KIF5B: variants seen among roughly 807,000 people sequenced by gnomAD.
KIF5B encodes kinesin family member 5B.
KIF5B carries 49 observed loss-of-function variants against 132.8 expected under a neutral mutation model. That is an observed-to-expected ratio of 0.37 (90% confidence interval 0.29 to 0.47). The LOEUF (loss-of-function observed/expected upper bound fraction) is 0.47, where lower values mean the gene tolerates loss of function less well. KIF5B is among the 20% of genes least tolerant of loss of function. The probability of loss-of-function intolerance (pLI) is 1.00; values close to 1 mark genes in which losing one functional copy is unlikely to be tolerated. For missense variants in KIF5B, 780 were observed against 1,144.0 expected (o/e 0.68, Z 4.59); for synonymous variants, 355 against 369.4 (o/e 0.96, Z 0.45).
rs561153562 is a variant in KIF5B, at chr10:32,010,208, C to G, written c.*1329G>C. ...CTAACACAGTTGCAGTCACCGCCCC[C>G]CTACCACTGATGAAGCAAATAGTGA... On this transcript the variant is annotated 3_prime_UTR_variant, in exon 26 of 26. Coordinates refer to ENST00000302418, the MANE Select transcript of KIF5B (RefSeq NM_004521.3). The G allele has an allele frequency of 3.9e-5, 6 of 152,118 alleles. No homozygotes were observed. The highest frequency in any genetic ancestry group is 7.4e-5 in the Non-Finnish European group (5 of 67,990). The allele number at this position is 152,118 out of a possible 1,614,324, so 9.4% of individuals were successfully genotyped here.
chr10:32,034,730 A>C lies in KIF5B; in HGVS notation c.1071T>G (p.Thr357=). ...EKEKNKILRN[T]IQWLENELNR... is the part of the protein sequence containing the mutation. ...TGAGCTCATTTTCAAGCCACTGAAT[A>C]GTGTTCCGCAGGATCTTATTTTTTT... The change falls in exon 11 of 26, where the codon ACT becomes ACG. Residue 357 remains threonine, a synonymous_variant. Coordinates refer to ENST00000302418, the MANE Select transcript of KIF5B (RefSeq NM_004521.3). 2 of 1,606,710 alleles carry C rather than the reference A, an allele frequency of 1.2e-6. No homozygotes were observed. Among genetic ancestry groups the C allele is most frequent in the South Asian group, 2.2e-5 (2 of 89,692 alleles).
rs552009962 is a variant in KIF5B at position 32,042,642 on chromosome 10, T to C, written c.215-2185A>G. Among the ~76,000 whole-genome samples, 102 of 152,352 alleles carry C rather than the reference T, an allele frequency of 6.7e-4. 2 individuals are homozygous for C. The South Asian group carries it at 0.017, about 25-fold the overall frequency. ...TGAATATTTATTACCATCATCAATG[T>C]ACAGCATCTTTCTAAAGCCTCCCTC... On this transcript the variant is annotated intron_variant, in intron 2 of 25. Coordinates refer to ENST00000302418, the MANE Select transcript of KIF5B (RefSeq NM_004521.3).
intron 15 of KIF5B, among the ~76,000 whole-genome samples, chr10:32,027,457 A>G (rs1841347996): frequency 6.8e-6 from 1 of 147,240 alleles, no homozygotes; most frequent in African/African-American, 2.5e-5. Context: ...TGAAAACTCT[A>G]GAGTTCATTG....
At chr10:32,034,144 T>C in intron 11 of KIF5B, 106 bp from the exon 12 acceptor site, 1 of 650,606 alleles carries the variant, frequency 1.5e-6, no homozygotes, top group South Asian at 2.3e-5. Context: ...AGAGTCTCAA[T>C]CTGTCACCCT....
At chr10:32,040,770 G>A (rs183540247) in intron 2 of KIF5B, among the ~76,000 whole-genome samples, 2 of 151,994 alleles carry the variant, frequency 1.3e-5, no homozygotes, top group African/African-American at 4.8e-5. Flanking sequence ...AAGGCAGGCG[G>A]ATCACAAGGT....
chr10:32,012,877 G>A (rs1841102685), intron 25 of KIF5B, among the ~76,000 whole-genome samples: 1 of 151,970 alleles, frequency 6.6e-6, no homozygotes, highest in Non-Finnish European at 1.5e-5. Flanking sequence ...ACTGTGTGCT[G>A]GGTAACATCT....
At chr10:32,030,041 C>CAT (rs1327838039) in intron 14 of KIF5B, among the ~76,000 whole-genome samples, 2 of 152,192 alleles carry the variant, frequency 1.3e-5, no homozygotes, top group African/African-American at 4.8e-5. Context: ...AAGTGGTGGA[C>CAT]ATGGGTCCTG....
intron 19 of KIF5B, among the ~76,000 whole-genome samples, chr10:32,020,373 T>C (rs1447273107): frequency 6.6e-6 from 1 of 151,414 alleles, no homozygotes; most frequent in Non-Finnish European, 1.5e-5. Flanking sequence ...TAAACTAAGA[T>C]GACAACTTAA....
In KIF5B at chr10:32,031,089, T is replaced by A; in HGVS notation, c.1565A>T (p.Glu522Val). The A allele has an allele frequency of 6.2e-7, 1 of 1,610,806 alleles. No individual in the cohort carries two copies. The highest frequency in any genetic ancestry group is 8.5e-7 in the Non-Finnish European group (1 of 1,177,366). ...ATATCCTACCGATTTCTGATTCAATTCATCACTAAGCAATTCATATTCCTT... is the reference window on the plus strand; with the variant it reads ...ATATCCTACCGATTTCTGATTCAATACATCACTAAGCAATTCATATTCCTT... ...KTKEYELLSD[E>V]LNQKSATLAS... The change falls in exon 14 of 26, where the codon GAA becomes GTA. Residue 522 changes from glutamate to valine, a missense_variant. Around this residue, in one of 9 missense-constraint regions of KIF5B, gnomAD observed 471 missense variants for 569.9 expected, o/e 0.83. Coordinates refer to ENST00000302418, the MANE Select transcript of KIF5B (RefSeq NM_004521.3).
At position 32,019,910 on chromosome 10, in the gene KIF5B, C is replaced by T; in HGVS notation, c.2254G>A (p.Glu752Lys). The T allele has an allele frequency of 6.2e-7, 1 of 1,612,634 alleles. No homozygotes were observed. The highest frequency in any genetic ancestry group is 8.5e-7 in the Non-Finnish European group (1 of 1,179,610). The change falls in exon 20 of 26, where the codon GAG becomes AAG. Residue 752 changes from glutamate (E) to lysine (K), a missense_variant. Physicochemically the swap from Glu to Lys is moderately conservative, Grantham distance 56 (BLOSUM62 1). Coordinates refer to ENST00000302418, the MANE Select transcript of KIF5B (RefSeq NM_004521.3). ...TCCTGATCTGTGGCTTTCAACTTCT[C>T]ATGTTCTACTCTTAGACGTTCCTGC... The part of the protein sequence containing the change: ...LEQERLRVEH[E>K]KLKATDQEKS...
At chr10:32,037,481 G>A in intron 7 of KIF5B, 39 bp downstream of exon 7, 1 of 1,586,622 alleles carries the variant, frequency 6.3e-7, no homozygotes. Context: ...GATATTTTAA[G>A]CTGGTTTTAA....
intron 6 of KIF5B, 127 bp downstream of exon 6, chr10:32,038,036 G>A: frequency 1.8e-6 from 1 of 544,158 alleles, no homozygotes; most frequent in South Asian, 2.6e-5. Flanking sequence ...CTTGAACCCT[G>A]GAGGCAGAGG....
At chr10:32,026,432 C>T (rs1391656678) in intron 15 of KIF5B, among the ~76,000 whole-genome samples, 2 of 40,614 alleles carry the variant, frequency 4.9e-5, no homozygotes, top group African/African-American at 7.5e-5. Context: ...AGTGAGATTC[C>T]GTCTCAAAAA....
chr10:32,015,142 A>C (rs1050726806), intron 25 of KIF5B, among the ~76,000 whole-genome samples: 1 of 152,136 alleles, frequency 6.6e-6, no homozygotes, highest in Non-Finnish European at 1.5e-5. Context: ...AAGAAAAAAA[A>C]AAAAAGATGT....
At chr10:32,032,978 C>T (rs1841420101) in intron 12 of KIF5B, among the ~76,000 whole-genome samples, 1 of 152,198 alleles carries the variant, frequency 6.6e-6, no homozygotes, top group South Asian at 2.1e-4. Flanking sequence ...TGGTCATGTA[C>T]TTCGAACCTG....
In KIF5B at chr10:32,037,604, A is replaced by G; in HGVS notation, c.502T>C (p.Cys168Arg). The G allele has an allele frequency of 6.2e-7, 1 of 1,604,204 alleles. No homozygotes were observed. The highest frequency in any genetic ancestry group is 8.5e-7 in the Non-Finnish European group (1 of 1,171,974). Residue 168 changes from cysteine to arginine, a missense_variant, in exon 7 of 26, where the codon TGC becomes CGC. Coordinates refer to ENST00000302418, the MANE Select transcript of KIF5B (RefSeq NM_004521.3). ...GGACTACATACAAAACGCTCTGTGC[A>G]CCCCTGTGAAATAATTTTTAAAAAT... is the stretch of plus-strand genomic sequence containing the variant. ...DKNRVPYVKGCTERFVCSPDE... is the reference protein window; with the variant it reads ...DKNRVPYVKGRTERFVCSPDE...
At chr10:32,018,682 A>C (rs1367317355) in intron 20 of KIF5B, 120 bp from the exon 21 acceptor site, 1 of 758,548 alleles carries the variant, frequency 1.3e-6, no homozygotes, top group Non-Finnish European at 2.0e-6. Context: ...AAATAAATAC[A>C]AGATGCCTAT....
chr10:32,024,051 T>TAAA (rs372127839), intron 15 of KIF5B, among the ~76,000 whole-genome samples: 1 of 63,392 alleles, frequency 1.6e-5, no homozygotes, highest in Non-Finnish European at 3.0e-5. Context: ...ACGTTGAGAG[T>TAAA]AAAAAAAAAA....
intron 17 of KIF5B, 23 bp from the exon 18 acceptor site, chr10:32,021,310 G>C (rs1171832843): frequency 6.4e-7 from 1 of 1,557,980 alleles, no homozygotes; most frequent in Non-Finnish European, 8.8e-7. Flanking sequence ...AGAGAAAATA[G>C]AAGAGTGAAA....
Sources: gnomAD v4.1 joint callset for allele counts (sites outside exome capture counted in the v4.1 genomes callset) on GRCh38, gnomAD v4.1.1 for gene constraint, gnomAD v4.1.1 regional missense constraint, MANE v1.5 for transcripts, NCBI Gene and HGNC (gene_info 2026-07-23, HGNC 2026-07-21) for gene names.